Variants in KCNQ1 observed in about 807,000 individuals in gnomAD.
The protein encoded by KCNQ1 is potassium voltage-gated channel subfamily KQT member 1.
Under a neutral mutation model 72.4 loss-of-function variants are expected in KCNQ1, and 49 were observed. The observed-to-expected ratio is 0.68, with a 90% CI of 0.54 to 0.86. The LOEUF is 0.86. Ranked by LOEUF, KCNQ1 falls within the 40% of genes least tolerant of loss-of-function variation. KCNQ1 has a pLI of 0.00. For synonymous variants in KCNQ1, 450 were observed against 412.6 expected, an observed-to-expected ratio of 1.09 and a Z score of -1.10; for missense variants, 790 against 945.1, an observed-to-expected ratio of 0.84 and a Z score of 2.15.
rs1360215568 is a variant in KCNQ1, at chr11:2,781,796, T to C, written c.1794+3759T>C. The stretch of plus-strand genomic sequence containing the variant: ...TCTCTGTTTTTGCCGGAAATGTTCA[T>C]GGCTGAGAGCCGGACACAGGGGAGT... On this transcript the variant is annotated intron_variant, in intron 15 of 15. Transcript: ENST00000155840. The surrounding 1 kb of genome is among the most constrained non-coding windows in gnomAD (Gnocchi z 6.6). 6.6e-6 allele frequency among the ~76,000 whole-genome samples: 1 copy of C among 152,226 alleles called. No homozygotes were observed. The highest frequency in any genetic ancestry group is 2.4e-5 in the African/African-American group (1 of 41,450).
Position 2,497,522 on chromosome 11 carries a change from A to G in KCNQ1, c.387-30406A>G, listed in dbSNP as rs1846943066. On this transcript the variant is annotated intron_variant, in intron 1 of 15. Coordinates refer to ENST00000155840, the MANE Select transcript of KCNQ1 (RefSeq NM_000218.3). This position sits in a 1 kb window ranked among gnomAD's most constrained non-coding sequence, Gnocchi z 4.5. Reference sequence around the variant, plus strand: ...CTGTGTTTTTCAGCTCCATGAGGTCATTTATGTTCCTCTCTAAACTGGTTA... The same window carrying G: ...CTGTGTTTTTCAGCTCCATGAGGTCGTTTATGTTCCTCTCTAAACTGGTTA... 6.6e-6 allele frequency among the ~76,000 whole-genome samples: 1 copy of G among 152,098 alleles called. No homozygotes were observed. Among genetic ancestry groups the G allele is most frequent in the African/African-American group, 2.4e-5 (1 of 41,402 alleles).
At position 2,515,582 on chromosome 11, in the gene KCNQ1, G is replaced by A. The variant is rs1046740459; in HGVS notation, c.387-12346G>A. Among the ~76,000 whole-genome samples the A allele has an allele frequency of 6.6e-6, 1 of 152,136 alleles. No individual in the cohort carries two copies. Among genetic ancestry groups the A allele is most frequent in the Non-Finnish European group, 1.5e-5 (1 of 68,016 alleles). ...CCAGGCAGAGCCTCGCCATTTCTGGGGTGGGGGGTGCACAGGTGCATCTGG... is the reference window on the plus strand; with the variant it reads ...CCAGGCAGAGCCTCGCCATTTCTGGAGTGGGGGGTGCACAGGTGCATCTGG... On this transcript the variant is annotated intron_variant, in intron 1 of 15. Transcript: ENST00000155840. This position sits in a 1 kb window ranked among gnomAD's most constrained non-coding sequence, Gnocchi z 4.7.
rs996417884 is a variant in KCNQ1, at chr11:2,474,867, C to T, written c.386+29383C>T. Among the ~76,000 whole-genome samples, 10 of 152,190 alleles carry T rather than the reference C, an allele frequency of 6.6e-5. No homozygotes were observed. In the East Asian group the frequency reaches 1.9e-3, roughly 29 times the overall value. On this transcript the variant is annotated intron_variant, in intron 1 of 15. Transcript: ENST00000155840. ...CTTGCCTATGGGAACCTCATCACAG[C>T]CCCACATCGGGCCCTTTTACAGATG...
At chr11:2,822,888 A>G (rs1847766601) in intron 15 of KCNQ1, among the ~76,000 whole-genome samples, 1 of 152,202 alleles carries the variant, frequency 6.6e-6, no homozygotes, top group Non-Finnish European at 1.5e-5. Flanking sequence ...TTAGAGAAGC[A>G]GAAAGAGTGC....
At chr11:2,531,173 T>A (rs1847620049) in intron 2 of KCNQ1, among the ~76,000 whole-genome samples, 1 of 142,252 alleles carries the variant, frequency 7.0e-6, no homozygotes, top group South Asian at 2.3e-4. Context: ...CCTTCAGACG[T>A]GCCCTGGGCT....
rs1217717044 is a variant in KCNQ1 at position 2,498,851 on chromosome 11, A to G, written c.387-29077A>G. On this transcript the variant is annotated intron_variant, in intron 1 of 15. Coordinates refer to ENST00000155840, the MANE Select transcript of KCNQ1 (RefSeq NM_000218.3). This position sits in a 1 kb window ranked among gnomAD's most constrained non-coding sequence, Gnocchi z 4.8. ...GGAGTCTCCTGATCTGCAGATTGCA[A>G]AACCCATGGGAAAAGCATAGTATCC... 6.6e-6 allele frequency among the ~76,000 whole-genome samples: 1 copy of G among 152,200 alleles called. No individual in the cohort carries two copies. The highest frequency in any genetic ancestry group is 2.4e-5 in the African/African-American group (1 of 41,444).
At position 2,695,905 on chromosome 11, in the gene KCNQ1, T is replaced by G; in HGVS notation, c.1514+33824T>G. 1 of 398,688 alleles carries G rather than the reference T, an allele frequency of 2.5e-6. No homozygotes were observed. Among genetic ancestry groups the G allele is most frequent in the Non-Finnish European group, 4.4e-6 (1 of 226,070 alleles). 24.7% of individuals were successfully genotyped at this position (398,688 alleles called of 1,614,324 possible). A position where few individuals can be genotyped will look rare whatever the true frequency, so the allele number is the denominator to read the frequency against. On this transcript the variant is annotated intron_variant, in intron 11 of 15. Coordinates refer to ENST00000155840, the MANE Select transcript of KCNQ1 (RefSeq NM_000218.3). The surrounding 1 kb of genome is among the most constrained non-coding windows in gnomAD (Gnocchi z 5.2). ...AACTGGCAATCTTCCTACCTTTTTC[T>G]TAATGATTTGTGGTGCTTTCTGGTA...
Position 2,484,979 on chromosome 11 carries a change from A to G in KCNQ1, c.386+39495A>G, listed in dbSNP as rs960587270. Among the ~76,000 whole-genome samples, 3 of 151,956 alleles carry G rather than the reference A, an allele frequency of 2.0e-5. No homozygotes were observed. The highest frequency in any genetic ancestry group is 4.4e-5 in the Non-Finnish European group (3 of 67,988). On this transcript the variant is annotated intron_variant, in intron 1 of 15. Transcript: ENST00000155840. This position sits in a 1 kb window ranked among gnomAD's most constrained non-coding sequence, Gnocchi z 5.2. ...CCAGCTGCAAGGGAACTGGCTCCAT[A>G]CTTGCTGATGCGTGCCCCCATGAGA...
At position 2,468,734 on chromosome 11, in the gene KCNQ1, C is replaced by G. The variant is rs142396364; in HGVS notation, c.386+23250C>G. On this transcript the variant is annotated intron_variant, in intron 1 of 15. Transcript: ENST00000155840. The surrounding 1 kb of genome is among the most constrained non-coding windows in gnomAD (Gnocchi z 5.7). The stretch of plus-strand genomic sequence containing the variant: ...AGCGTCATGATTTTGAGCTGTGTGT[C>G]TGTTGTGTGTGTCGGCCTGTTGTTT... Among the ~76,000 whole-genome samples the G allele has an allele frequency of 2.9e-3, 442 of 152,314 alleles. 3 individuals carry two copies. The highest frequency in any genetic ancestry group is 0.01 in the African/African-American group (430 of 41,570).
intron 11 of KCNQ1, chr11:2,685,473 T>G (rs759825350): frequency 1.5e-5 from 6 of 398,662 alleles, no homozygotes; most frequent in Non-Finnish European, 2.7e-5. Context: ...GCAACTCCCA[T>G]CTCACAGGCC....
At position 2,579,287 on chromosome 11, in the gene KCNQ1, G is replaced by C. The variant is rs369549850; in HGVS notation, c.922-4148G>C. ...GACTAGAAGGCTCCCCATGCCTCCCGCCCCTTCACATGGGAGTGAAGGCAC... is the reference window on the plus strand; with the variant it reads ...GACTAGAAGGCTCCCCATGCCTCCCCCCCCTTCACATGGGAGTGAAGGCAC... On this transcript the variant is annotated intron_variant, in intron 6 of 15. Coordinates refer to ENST00000155840, the MANE Select transcript of KCNQ1 (RefSeq NM_000218.3). The surrounding 1 kb of genome is among the most constrained non-coding windows in gnomAD (Gnocchi z 6.0). Among the ~76,000 whole-genome samples, 35 of 152,242 alleles carry C rather than the reference G, an allele frequency of 2.3e-4. No individual in the cohort carries two copies. The South Asian group carries it at 6.9e-3, about 30-fold the overall frequency.
Position 2,678,780 on chromosome 11 carries a change from G to A in KCNQ1, c.1514+16699G>A, listed in dbSNP as rs1850337379. On this transcript the variant is annotated intron_variant, in intron 11 of 15. Transcript: ENST00000155840. This position sits in a 1 kb window ranked among gnomAD's most constrained non-coding sequence, Gnocchi z 4.9. ...TTGGGACTGAGGCTTCATCGTGGCA[G>A]CTAATAATGTCAGGGAGCATGAGCA... is the stretch of plus-strand genomic sequence containing the variant. The A allele has an allele frequency of 2.5e-6, 1 of 398,622 alleles. No individual in the cohort carries two copies. Among genetic ancestry groups the A allele is most frequent in the East Asian group, 3.6e-5 (1 of 28,076 alleles). The allele number at this position is 398,622 out of a possible 1,614,324, so 24.7% of individuals were successfully genotyped here.
intron 2 of KCNQ1, among the ~76,000 whole-genome samples, chr11:2,542,076 A>G (rs748394614): frequency 7.2e-5 from 11 of 152,190 alleles, no homozygotes; most frequent in Admixed American, 2.6e-4. Flanking sequence ...TTGCTGGGGA[A>G]ACTCCAGGAT....
rs971182175 is a variant in KCNQ1 at position 2,464,778 on chromosome 11, G to T, written c.386+19294G>T. On this transcript the variant is annotated intron_variant, in intron 1 of 15. Coordinates refer to ENST00000155840, the MANE Select transcript of KCNQ1 (RefSeq NM_000218.3). The surrounding 1 kb of genome is among the most constrained non-coding windows in gnomAD (Gnocchi z 5.0). ...GGGTGGCTCTGCTGACCCCTCCTAG[G>T]TGGGCTGGGGCTGAGGCGGATCCCA... Among the ~76,000 whole-genome samples, 1 of 141,920 alleles carries T rather than the reference G, an allele frequency of 7.0e-6. No individual in the cohort carries two copies. The highest frequency in any genetic ancestry group is 1.5e-5 in the Non-Finnish European group (1 of 67,428). The allele number at this position is 141,920 out of a possible 152,430, so 93.1% of individuals were successfully genotyped here.
chr11:2,756,951 T>TA (rs58284663), intron 11 of KCNQ1, among the ~76,000 whole-genome samples: 5,988 of 50,886 alleles, frequency 0.12, 1,085 homozygotes, highest in Non-Finnish European at 0.16. Context: ...AAGAGCATCT[T>TA]AAAAAAAAAA....
chr11:2,767,073 C>A lies in KCNQ1; in HGVS notation c.1515-1771C>A, dbSNP rs933067848. ...GCACCTGCTACTCAGGAGGCTGAGG[C>A]AGAAAAATCACTTGAACCCGGGAGG... On this transcript the variant is annotated intron_variant, in intron 11 of 15. Coordinates refer to ENST00000155840, the MANE Select transcript of KCNQ1 (RefSeq NM_000218.3). This position sits in a 1 kb window ranked among gnomAD's most constrained non-coding sequence, Gnocchi z 4.6. Among the ~76,000 whole-genome samples the A allele has an allele frequency of 1.3e-5, 2 of 152,144 alleles. No homozygotes were observed. The highest frequency in any genetic ancestry group is 2.9e-5 in the Non-Finnish European group (2 of 68,024).
At chr11:2,693,059 T>A (rs1300147862) in intron 11 of KCNQ1, 2 of 398,516 alleles carry the variant, frequency 5.0e-6, no homozygotes, top group African/African-American at 2.1e-5. Context: ...GAGAAAGGCA[T>A]CCAGTTAGCC....
Position 2,695,928 on chromosome 11 carries a change from G to A in KCNQ1, c.1514+33847G>A. 2.5e-6 allele frequency: 1 copy of A among 398,492 alleles called. No individual in the cohort carries two copies. Among genetic ancestry groups the A allele is most frequent in the East Asian group, 3.6e-5 (1 of 28,068 alleles). The allele number at this position is 398,492 out of a possible 1,614,324, so 24.7% of individuals were successfully genotyped here. On this transcript the variant is annotated intron_variant, in intron 11 of 15. Transcript: ENST00000155840. The surrounding 1 kb of genome is among the most constrained non-coding windows in gnomAD (Gnocchi z 5.2). The stretch of plus-strand genomic sequence containing the variant: ...TCTTAATGATTTGTGGTGCTTTCTG[G>A]TATATTTTAGCTGTTGTTCCCTCCT...
chr11:2,768,867 C>T lies in KCNQ1; in HGVS notation c.1538C>T (p.Thr513Ile). ...ISQLREHHRA[T>I]IKVIRRMQYF... The stretch of plus-strand genomic sequence containing the variant: ...AGGCTGCGGGAACACCATCGGGCCA[C>T]CATTAAGGTCATTCGACGCATGCAG... Residue 513 changes from threonine (T) to isoleucine (I), a missense_variant, in exon 12 of 16, where the codon ACC (threonine) becomes ATC (isoleucine). Thr to Ile is a moderately conservative substitution (Grantham distance 89). Transcript: ENST00000155840. The surrounding 1 kb of genome is among the most constrained non-coding windows in gnomAD (Gnocchi z 6.7). The T allele has an allele frequency of 3.7e-6, 6 of 1,614,068 alleles. No homozygotes were observed. The highest frequency in any genetic ancestry group is 5.1e-6 in the Non-Finnish European group (6 of 1,180,000).
Sources: gnomAD v4.1 joint callset for allele counts (sites outside exome capture counted in the v4.1 genomes callset) on GRCh38, gnomAD v4.1.1 for gene constraint, Gnocchi (gnomAD v3.1) non-coding constraint, MANE v1.5 for transcripts, NCBI Gene and HGNC (gene_info 2026-07-23, HGNC 2026-07-21) for gene names.